Variants in KLRG2 observed in about 807,000 individuals in gnomAD.
KLRG2 encodes killer cell lectin-like receptor subfamily G member 2.
KLRG2 carries 39 observed loss-of-function variants against 35.4 expected under a neutral mutation model. The observed-to-expected ratio is 1.10, with a 90% CI of 0.85 to 1.44. The LOEUF is 1.44. Among genes scored for constraint, KLRG2 ranks in the 40% most tolerant of loss-of-function variants. The pLI is 0.00. For synonymous variants in KLRG2, 283 were observed against 265.8 expected, an observed-to-expected ratio of 1.06 and a Z score of -0.63; for missense variants, 632 against 570.9, an observed-to-expected ratio of 1.11 and a Z score of -1.09.
chr7:139,428,375 C>G, the KLRG2 span, among the ~76,000 whole-genome samples: 1 of 152,032 alleles, frequency 6.6e-6, no homozygotes, highest in South Asian at 2.1e-4. Flanking sequence ...TCCTGAATAG[C>G]CCTGCCCCCA....
intron 3 of KLRG2, among the ~76,000 whole-genome samples, chr7:139,472,119 C>T (rs1370925186): frequency 6.6e-6 from 1 of 152,152 alleles, no homozygotes; most frequent in Non-Finnish European, 1.5e-5. Flanking sequence ...AACTCCCTCC[C>T]CTCCCTATTG....
chr7:139,481,876 G>A (rs2052024), intron 1 of KLRG2, among the ~76,000 whole-genome samples: 46,581 of 151,678 alleles, frequency 0.31, 7,578 homozygotes, highest in African/African-American at 0.37. Flanking sequence ...GCAGTGAGCC[G>A]AGATTGTGCC....
the KLRG2 span, among the ~76,000 whole-genome samples, chr7:139,445,188 C>T: frequency 6.6e-6 from 1 of 151,782 alleles, no homozygotes; most frequent in Non-Finnish European, 1.5e-5. Context: ...TGAAGTAATT[C>T]TCCTGCCTCA....
chr7:139,449,715 T>A, downstream of KLRG2, among the ~76,000 whole-genome samples: 2 of 142,372 alleles, frequency 1.4e-5, no homozygotes, highest in African/African-American at 5.5e-5. Flanking sequence ...TTTTTTTTTT[T>A]TTGAGACGGA....
At chr7:139,480,043 T>C (rs1485170707) in intron 2 of KLRG2, 103 bp downstream of exon 2, 2 of 860,828 alleles carry the variant, frequency 2.3e-6, no homozygotes, top group Non-Finnish European at 3.9e-6. Flanking sequence ...GTGTTGCATC[T>C]CCCAGTGTCT....
chr7:139,461,615 CTCCTGGCTCA>C (rs898794718), intron 3 of KLRG2, among the ~76,000 whole-genome samples: 1 of 152,146 alleles, frequency 6.6e-6, no homozygotes, highest in Non-Finnish European at 1.5e-5. Context: ...GAAATTCCTT[CTCCTGGCTCA>C]TCCTGGCTCA....
intron 3 of KLRG2, among the ~76,000 whole-genome samples, chr7:139,475,408 G>A (rs1458086198): frequency 1.3e-5 from 2 of 152,046 alleles, no homozygotes; most frequent in Non-Finnish European, 1.5e-5. Flanking sequence ...GCGGGCGCCT[G>A]TAGTCCCAGC....
chr7:139,477,433 G>A (rs1306081874), intron 3 of KLRG2, among the ~76,000 whole-genome samples: 1 of 152,162 alleles, frequency 6.6e-6, no homozygotes, highest in Non-Finnish European at 1.5e-5. Flanking sequence ...GCTACGACAC[G>A]GGTGAGCCTT....
intron 1 of KLRG2, 41 bp downstream of exon 1, chr7:139,482,845 C>T (rs1369302468): frequency 3.7e-6 from 5 of 1,362,358 alleles, no homozygotes; most frequent in African/African-American, 3.0e-5. Context: ...TACGTCCACC[C>T]GACCTGGCGG....
the KLRG2 span, among the ~76,000 whole-genome samples, chr7:139,439,964 C>T: frequency 6.6e-6 from 1 of 152,146 alleles, no homozygotes; most frequent in Non-Finnish European, 1.5e-5. Flanking sequence ...ATGAGCAGGG[C>T]CATGTTCCCT....
At chr7:139,467,935 G>C (rs959686413) in intron 3 of KLRG2, among the ~76,000 whole-genome samples, 2 of 152,158 alleles carry the variant, frequency 1.3e-5, no homozygotes, top group African/African-American at 4.8e-5. Context: ...GGAATGTCTC[G>C]GTATAAAACC....
the KLRG2 span, among the ~76,000 whole-genome samples, chr7:139,431,809 G>GCTT: frequency 5.3e-5 from 8 of 151,922 alleles, no homozygotes; most frequent in Non-Finnish European, 8.8e-5. Flanking sequence ...AGAAAGCAAA[G>GCTT]GTATGCTCTA....
chr7:139,457,535 G>A (rs1796497863), intron 3 of KLRG2, among the ~76,000 whole-genome samples: 1 of 152,102 alleles, frequency 6.6e-6, no homozygotes, highest in Non-Finnish European at 1.5e-5. Context: ...ATAAAGCCAC[G>A]GCCACCTAGT....
At chr7:139,456,292 G>C (rs1490711292) in intron 3 of KLRG2, among the ~76,000 whole-genome samples, 1 of 152,210 alleles carries the variant, frequency 6.6e-6, no homozygotes, top group Non-Finnish European at 1.5e-5. Flanking sequence ...TCTCCAAGGT[G>C]AAATAGGTGC....
intron 4 of KLRG2, 59 bp downstream of exon 4, chr7:139,454,052 T>TG (rs1202580133): frequency 1.9e-6 from 2 of 1,053,520 alleles, no homozygotes. Context: ...AGGTGGAGTC[T>TG]GGGGAGAAAT....
intron 3 of KLRG2, among the ~76,000 whole-genome samples, chr7:139,468,592 A>G (rs1182015470): frequency 6.6e-6 from 1 of 152,176 alleles, no homozygotes; most frequent in African/African-American, 2.4e-5. Flanking sequence ...CCCAGGTGAA[A>G]TAAACAGCCT....
intron 3 of KLRG2, among the ~76,000 whole-genome samples, chr7:139,473,278 C>CTAAAA (rs1032659477): frequency 6.4e-4 from 97 of 151,832 alleles, no homozygotes; most frequent in Non-Finnish European, 2.1e-4. Context: ...AAGACTCTGT[C>CTAAAA]TAAAATAAAA....
At chr7:139,432,281 A>C in the KLRG2 span, among the ~76,000 whole-genome samples, 14 of 152,058 alleles carry the variant, frequency 9.2e-5, no homozygotes, top group Admixed American at 8.5e-4. Flanking sequence ...ACTGGCGCCC[A>C]GGATGAGACT....
At chr7:139,449,693 C>CTTTTTTTTT (rs547906496), downstream of KLRG2, among the ~76,000 whole-genome samples, 14 of 101,572 alleles carry the variant, frequency 1.4e-4, no homozygotes, top group Non-Finnish European at 2.4e-4. Context: ...TATCCTTATT[C>CTTTTTTTTT]TTTTTTTTTT....
Sources: gnomAD v4.1 joint callset for allele counts (sites outside exome capture counted in the v4.1 genomes callset) on GRCh38, gnomAD v4.1.1 for gene constraint, MANE v1.5 for transcripts, NCBI Gene and HGNC (gene_info 2026-07-23, HGNC 2026-07-21) for gene names.